VIPR2: variants seen among roughly 807,000 people sequenced by gnomAD.
VIPR2 encodes the protein vasoactive intestinal polypeptide receptor 2.
Under a neutral mutation model 58.0 loss-of-function variants are expected in VIPR2, and 48 were observed. That is an observed-to-expected ratio of 0.83 (90% CI 0.66 to 1.05). VIPR2 has a LOEUF of 1.05. VIPR2 is among the 50% of genes least tolerant of loss of function. The pLI, the probability that VIPR2 is intolerant of heterozygous loss-of-function variation, is 0.00. For synonymous variants in VIPR2, 243 were observed against 235.2 expected (o/e 1.03, Z -0.30); for missense variants, 534 against 558.0 (o/e 0.96, Z 0.43).
chr7:159,034,041 C>T (rs1853752627), intron 10 of VIPR2, among the ~76,000 whole-genome samples, 172 bp downstream of exon 10: 1 of 152,328 alleles, frequency 6.6e-6, no homozygotes, highest in South Asian at 2.1e-4. Context: ...GAAATGCTGT[C>T]CAGGGCCTCT....
chr7:159,120,921 A>G (rs1246598101), intron 2 of VIPR2, among the ~76,000 whole-genome samples: 1 of 152,238 alleles, frequency 6.6e-6, no homozygotes, highest in African/African-American at 2.4e-5. Context: ...TTAACATTTA[A>G]GCTTGGACTT....
At chr7:159,085,421 G>T (rs2129495083) in intron 4 of VIPR2, among the ~76,000 whole-genome samples, 1 of 152,240 alleles carries the variant, frequency 6.6e-6, no homozygotes, top group Non-Finnish European at 1.5e-5. Context: ...TCAGCCTCCT[G>T]AGTAGCTGGA....
At chr7:159,058,662 G>T in intron 4 of VIPR2, 84 bp from the exon 5 acceptor site, 2 of 1,056,684 alleles carry the variant, frequency 1.9e-6, no homozygotes, top group Non-Finnish European at 1.5e-6. Flanking sequence ...CCAGCCCTGT[G>T]CTCTGGCCAT....
At chr7:159,069,614 C>CTGT (rs137880701) in intron 4 of VIPR2, among the ~76,000 whole-genome samples, 21,017 of 152,064 alleles carry the variant, frequency 0.14, 1,815 homozygotes, top group African/African-American at 0.24. Context: ...GTCTCCAACC[C>CTGT]TGTTTTCTGT....
chr7:159,135,022 T>TATTTTTTTA (rs1563357368), intron 2 of VIPR2, among the ~76,000 whole-genome samples: 19 of 104,370 alleles, frequency 1.8e-4, no homozygotes, highest in African/African-American at 5.9e-4. Flanking sequence ...TTTTTTTTTT[T>TATTTTTTTA]TTTTTTTTAA....
intron 2 of VIPR2, among the ~76,000 whole-genome samples, chr7:159,115,533 C>T (rs761337838): frequency 6.6e-6 from 1 of 152,250 alleles, no homozygotes; most frequent in Non-Finnish European, 1.5e-5. Context: ...AGCAGCCTCT[C>T]ACCCAAAGTC....
chr7:159,078,180 C>G (rs986055653), intron 4 of VIPR2, among the ~76,000 whole-genome samples: 3 of 152,198 alleles, frequency 2.0e-5, no homozygotes, highest in Admixed American at 6.5e-5. Context: ...ACTTCCCCCC[C>G]TCATTTTACC....
At chr7:159,104,280 C>G (rs1286955502) in intron 3 of VIPR2, among the ~76,000 whole-genome samples, 2 of 146,262 alleles carry the variant, frequency 1.4e-5, no homozygotes, top group African/African-American at 5.1e-5. Flanking sequence ...TCACCACCGA[C>G]AGTGACCGGG....
intron 4 of VIPR2, among the ~76,000 whole-genome samples, chr7:159,094,129 T>C (rs945350235): frequency 9.2e-5 from 14 of 152,036 alleles, no homozygotes; most frequent in Non-Finnish European, 1.6e-4. Context: ...CTGGTCTCAT[T>C]CTCCACAGGG....
chr7:159,066,235 C>T (rs1856080690), intron 4 of VIPR2, among the ~76,000 whole-genome samples: 1 of 151,560 alleles, frequency 6.6e-6, no homozygotes, highest in Non-Finnish European at 1.5e-5. Flanking sequence ...GCTTCCACAC[C>T]GTCGGTGGGA....
Position 159,144,802 on chromosome 7 carries a change from C to G in VIPR2, c.-31G>C. ...GCTCAGCGTGCCGGGGGCCGCCCAG[C>G]GCCCGCCGCCTCCGTCCTAGGTCCC... On this transcript the variant is annotated 5_prime_UTR_variant, in exon 1 of 13. Transcript: ENST00000262178. 1 of 1,241,882 alleles carries G rather than the reference C, an allele frequency of 8.1e-7. No homozygotes were observed. Among genetic ancestry groups the G allele is most frequent in the Non-Finnish European group, 1.0e-6 (1 of 994,228 alleles). 76.9% of individuals were successfully genotyped at this position (1,241,882 alleles called of 1,614,324 possible).
At position 159,031,956 on chromosome 7, in the gene VIPR2, C is replaced by T. The variant is rs1853617317; in HGVS notation, c.1083G>A (p.Leu361=). Reference sequence around the variant, plus strand: ...CACCTACCTGGAACGACCCGAGGCACAGCTCAAACAGTATCTGGTATTTGG... The same window carrying T: ...CACCTACCTGGAACGACCCGAGGCATAGCTCAAACAGTATCTGGTATTTGG... The part of the protein sequence containing the change: ...ISSKYQILFE[L]CLGSFQGLVV... The change falls in exon 11 of 13, where the codon CTG becomes CTA. Residue 361 remains leucine (L), a synonymous_variant. Transcript: ENST00000262178. This position sits in a 1 kb window ranked among gnomAD's most constrained non-coding sequence, Gnocchi z 4.0. 1 of 1,614,190 alleles carries T rather than the reference C, an allele frequency of 6.2e-7. No individual in the cohort carries two copies. The highest frequency in any genetic ancestry group is 8.5e-7 in the Non-Finnish European group (1 of 1,180,036).
At chr7:159,060,720 C>G (rs1855599299) in intron 4 of VIPR2, among the ~76,000 whole-genome samples, 1 of 151,972 alleles carries the variant, frequency 6.6e-6, no homozygotes, top group African/African-American at 2.4e-5. Context: ...CTGAACTCAT[C>G]TAACCTATAT....
chr7:159,111,583 G>A (rs946468177), intron 2 of VIPR2, among the ~76,000 whole-genome samples: 5 of 152,102 alleles, frequency 3.3e-5, no homozygotes, highest in African/African-American at 1.2e-4. Context: ...AGGAGGCTAA[G>A]GGAGGAGAAT....
chr7:159,085,584 C>T (rs567981159), intron 4 of VIPR2, among the ~76,000 whole-genome samples: 56 of 152,350 alleles, frequency 3.7e-4, no homozygotes, highest in South Asian at 1.4e-3. Flanking sequence ...CGTGGGCCAC[C>T]GCGCCCGGCC....
At chr7:159,087,670 C>T (rs990272060) in intron 4 of VIPR2, among the ~76,000 whole-genome samples, 1 of 122,848 alleles carries the variant, frequency 8.1e-6, no homozygotes, top group African/African-American at 3.1e-5. Flanking sequence ...TACAGCTTCC[C>T]CAACAAACAA....
chr7:159,130,517 GC>G (rs924980415), intron 2 of VIPR2, among the ~76,000 whole-genome samples: 4 of 123,184 alleles, frequency 3.2e-5, no homozygotes, highest in African/African-American at 2.2e-4. Flanking sequence ...CACTCCTGTA[GC>G]CCCACCCAGA....
At chr7:159,042,802 G>C (rs574224870) in intron 6 of VIPR2, among the ~76,000 whole-genome samples, 1 of 152,284 alleles carries the variant, frequency 6.6e-6, no homozygotes, top group African/African-American at 2.4e-5. Context: ...TCACTTCCCA[G>C]CCCTGATGAT....
rs1283357453 is a variant in VIPR2 at position 159,122,324 on chromosome 7, C to A, written c.152-12405G>T. Among the ~76,000 whole-genome samples the A allele has an allele frequency of 2.0e-5, 3 of 152,218 alleles. No individual in the cohort carries two copies. The East Asian group carries it at 5.8e-4, about 29-fold the overall frequency. On this transcript the variant is annotated intron_variant, in intron 2 of 12. Transcript: ENST00000262178. ...CCGAGGTCATGCACCAAAGGCTACA[C>A]AAACAGAACTGAGGTGGTGCCTGGC...
Sources: gnomAD v4.1 joint callset for allele counts (sites outside exome capture counted in the v4.1 genomes callset) on GRCh38, gnomAD v4.1.1 for gene constraint, Gnocchi (gnomAD v3.1) non-coding constraint, MANE v1.5 for transcripts, NCBI Gene and HGNC (gene_info 2026-07-23, HGNC 2026-07-21) for gene names.